TASP1: variants seen among roughly 807,000 people sequenced by gnomAD.
The protein encoded by TASP1 is taspase 1.
TASP1 carries 16 observed loss-of-function variants against 56.6 expected under a neutral mutation model. The ratio of observed to expected loss-of-function variants is 0.28; its 90% CI spans 0.19 to 0.43. The LOEUF (loss-of-function observed/expected upper bound fraction) is 0.43. Ranked by LOEUF, TASP1 falls within the 20% of genes least tolerant of loss-of-function variation. The pLI, the probability that TASP1 is intolerant of heterozygous loss-of-function variation, is 1.00. For missense variants in TASP1, 393 were observed against 511.6 expected, an observed-to-expected ratio of 0.77 and a Z score of 2.24; for synonymous variants, 179 against 184.2, an observed-to-expected ratio of 0.97 and a Z score of 0.23.
chr20:13,393,535 C>A, intron 13 of TASP1: 1 of 798,826 alleles, frequency 1.3e-6, no homozygotes. Flanking sequence ...AACAGTGATA[C>A]CCACTCTTCC....
the TASP1 span, among the ~76,000 whole-genome samples, chr20:13,277,858 A>G: frequency 7.9e-5 from 12 of 152,286 alleles, no homozygotes; most frequent in East Asian, 1.9e-3. Context: ...CCATGTGTCC[A>G]GACTCCACAA....
At chr20:13,119,819 G>A in the TASP1 span, among the ~76,000 whole-genome samples, 2 of 152,188 alleles carry the variant, frequency 1.3e-5, no homozygotes, top group African/African-American at 4.8e-5. Context: ...AGACCTGGGC[G>A]GTGAGCAGGA....
At chr20:13,321,253 T>TTAAAAAAAAAAAAAAAAA in the TASP1 span, among the ~76,000 whole-genome samples, 1 of 57,522 alleles carries the variant, frequency 1.7e-5, no homozygotes, top group African/African-American at 7.6e-5. Context: ...GTGCCCCACA[T>TTAAAAAAAAAAAAAAAAA]AAAAAAAAAA....
At chr20:13,397,429 A>G (rs1253845330) in intron 13 of TASP1, among the ~76,000 whole-genome samples, 1 of 152,204 alleles carries the variant, frequency 6.6e-6, no homozygotes, top group East Asian at 1.9e-4. Context: ...GATGAAAAAA[A>G]AAATGAGACA....
At chr20:13,354,645 A>C in the TASP1 span, among the ~76,000 whole-genome samples, 1 of 152,216 alleles carries the variant, frequency 6.6e-6, no homozygotes, top group Non-Finnish European at 1.5e-5. Flanking sequence ...ATAATCCTAC[A>C]AAAGGAAAAA....
chr20:13,538,778 C>A (rs2045509943), intron 8 of TASP1, among the ~76,000 whole-genome samples: 1 of 152,154 alleles, frequency 6.6e-6, no homozygotes, highest in Non-Finnish European at 1.5e-5. Flanking sequence ...CTGGGTGGCT[C>A]ACGCCTGTAA....
chr20:13,347,586 C>T, the TASP1 span, among the ~76,000 whole-genome samples: 1 of 152,206 alleles, frequency 6.6e-6, no homozygotes, highest in Admixed American at 6.5e-5. Flanking sequence ...CACCTGTAAT[C>T]CCAGCACTTC....
chr20:13,126,503 T>C, the TASP1 span: 1 of 1,459,826 alleles, frequency 6.9e-7, no homozygotes, highest in Non-Finnish European at 9.2e-7. Context: ...TCTTTTGCTA[T>C]GAGGATAGGG....
chr20:13,242,503 CCGAGAAGGT>C, the TASP1 span, among the ~76,000 whole-genome samples: 63 of 152,164 alleles, frequency 4.1e-4, no homozygotes, highest in African/African-American at 1.4e-3. Context: ...GAGGAAAAGC[CCGAGAAGGT>C]CCAGTAAAAG....
chr20:13,623,201 T>C (rs2147530168), intron 4 of TASP1, among the ~76,000 whole-genome samples: 1 of 152,004 alleles, frequency 6.6e-6, no homozygotes, highest in Non-Finnish European at 1.5e-5. Flanking sequence ...ATCCAATCCT[T>C]AACTTTTGTA....
At chr20:13,483,393 A>G in intron 10 of TASP1, 56 bp from the exon 11 acceptor site, 1 of 1,214,524 alleles carries the variant, frequency 8.2e-7, no homozygotes, top group Non-Finnish European at 1.1e-6. Context: ...CACCCTGCTT[A>G]TTTCAATAGC....
At chr20:13,157,911 G>C in the TASP1 span, among the ~76,000 whole-genome samples, 1 of 152,190 alleles carries the variant, frequency 6.6e-6, no homozygotes, top group Non-Finnish European at 1.5e-5. Flanking sequence ...TTTTATTAAA[G>C]AATGGTGATC....
chr20:13,539,330 A>G (rs1198178245), intron 8 of TASP1, among the ~76,000 whole-genome samples: 2 of 152,172 alleles, frequency 1.3e-5, no homozygotes, highest in Non-Finnish European at 2.9e-5. Context: ...GAGGAAAAAA[A>G]TGTATACCAT....
chr20:13,376,059 C>T, the TASP1 span, among the ~76,000 whole-genome samples: 20 of 152,020 alleles, frequency 1.3e-4, no homozygotes, highest in South Asian at 4.2e-4. Context: ...TATTTTGCTG[C>T]GCAAAAGCTC....
chr20:13,192,790 G>A, the TASP1 span, among the ~76,000 whole-genome samples: 3 of 151,190 alleles, frequency 2.0e-5, no homozygotes, highest in Admixed American at 1.3e-4. Context: ...CTGGGTTCAA[G>A]CCGTCCTCCC....
At position 13,580,886 on chromosome 20, in the gene TASP1, A is replaced by G. The variant is rs953689833; in HGVS notation, c.488+11T>C. On this transcript the variant is annotated intron_variant, in intron 6 of 13. Coordinates refer to ENST00000337743, the MANE Select transcript of TASP1 (RefSeq NM_017714.3). ...AAAGACAGGGAAAGTCAGGAAGAAC[A>G]AAGTGGTTACCAGGGAGGAATTCTG... 3.1e-6 allele frequency: 5 copies of G among 1,613,532 alleles called. No homozygotes were observed. Among genetic ancestry groups the G allele is most frequent in the East Asian group, 2.2e-5 (1 of 44,872 alleles).
chr20:13,148,106 G>A, the TASP1 span, among the ~76,000 whole-genome samples: 2,840 of 152,264 alleles, frequency 0.019, 54 homozygotes, highest in South Asian at 0.03. Flanking sequence ...GGTAGTTTCA[G>A]CCATCTGTAA....
intron 7 of TASP1, among the ~76,000 whole-genome samples, chr20:13,564,791 A>G (rs766777362): frequency 2.0e-5 from 3 of 152,002 alleles, no homozygotes; most frequent in Non-Finnish European, 4.4e-5. Flanking sequence ...ATTTGAAGTC[A>G]GGAGTTCAAA....
chr20:13,142,194 G>A, the TASP1 span, among the ~76,000 whole-genome samples: 1 of 152,198 alleles, frequency 6.6e-6, no homozygotes, highest in Non-Finnish European at 1.5e-5. Flanking sequence ...AGAATGTAAA[G>A]AGAATCTGTG....
Sources: gnomAD v4.1 joint callset for allele counts (sites outside exome capture counted in the v4.1 genomes callset) on GRCh38, gnomAD v4.1.1 for gene constraint, MANE v1.5 for transcripts, NCBI Gene and HGNC (gene_info 2026-07-23, HGNC 2026-07-21) for gene names.